BICD1: variants seen among roughly 807,000 people sequenced by gnomAD.
The protein encoded by BICD1 is protein bicaudal D homolog 1.
A neutral mutation model predicts 92.5 loss-of-function variants in BICD1; 35 were observed. That is an observed-to-expected ratio of 0.38 (90% CI 0.29 to 0.50). The LOEUF is 0.50. Among genes scored for constraint, BICD1 ranks in the 20% least tolerant of loss-of-function variants. The pLI, the probability that BICD1 is intolerant of heterozygous loss-of-function variation, is 0.93. For synonymous variants in BICD1, 429 were observed against 465.1 expected (o/e 0.92, Z 1.00); for missense variants, 950 against 1,189.8 (o/e 0.80, Z 2.97).
chr12:32,328,151 C>T lies in BICD1; in HGVS notation c.1696C>T (p.Arg566Trp), dbSNP rs754124048. 2.5e-6 allele frequency: 4 copies of T among 1,614,016 alleles called. No homozygotes were observed. The highest frequency in any genetic ancestry group is 2.7e-5 in the African/African-American group (2 of 74,916). ...ACTTTTGTCCCCACGATTAGCCAGG[C>T]GGGGTGTGTCATCCCCGGTAGAAAC... is the stretch of plus-strand genomic sequence containing the variant. Reference protein sequence around the residue: ...RGLLSPRLARRGVSSPVETRT... With the variant: ...RGLLSPRLARWGVSSPVETRT... Residue 566 changes from arginine (R) to tryptophan (W), a missense_variant, in exon 5 of 10, where the codon CGG becomes TGG. This residue lies in a region of BICD1 where 309 missense variants were observed against 499.4 expected (regional missense o/e 0.62). Transcript: ENST00000652176. This position sits in a 1 kb window ranked among gnomAD's most constrained non-coding sequence, Gnocchi z 4.4.
intron 2 of BICD1, among the ~76,000 whole-genome samples, chr12:32,229,778 G>A (rs1945817197): frequency 6.6e-6 from 1 of 152,182 alleles, no homozygotes; most frequent in Admixed American, 6.5e-5. Context: ...TCACGTGCAA[G>A]TTGTTGGGTT....
intron 2 of BICD1, among the ~76,000 whole-genome samples, chr12:32,278,274 C>G (rs1051037873): frequency 2.0e-5 from 3 of 152,116 alleles, no homozygotes; most frequent in African/African-American, 7.2e-5. Flanking sequence ...CATGGATATT[C>G]ATAGTTATAA....
At chr12:32,228,702 T>G (rs1267666826) in intron 2 of BICD1, among the ~76,000 whole-genome samples, 1 of 152,130 alleles carries the variant, frequency 6.6e-6, no homozygotes. Context: ...ATGGGTTGAA[T>G]GTAGAGAATG....
chr12:32,154,986 A>G (rs1943397166), intron 1 of BICD1, among the ~76,000 whole-genome samples: 1 of 152,202 alleles, frequency 6.6e-6, no homozygotes, highest in South Asian at 2.1e-4. Flanking sequence ...ACAGAAAAAT[A>G]AGCATCTGTG....
At position 32,327,518 on chromosome 12, in the gene BICD1, G is replaced by T; in HGVS notation, c.1063G>T (p.Glu355Ter). Residue 355 changes from glutamate to a stop codon, truncating the protein, a stop_gained, in exon 5 of 10, where the codon GAA becomes TAA. Coordinates refer to ENST00000652176, the MANE Select transcript of BICD1 (RefSeq NM_001714.4). LOFTEE classifies it high-confidence loss of function. ...CCTACAGGAGTCACAGACACAGCTG[G>T]AACACACCAAGGGGGCACTGACGGA... The part of the protein sequence containing the change: ...ANLQESQTQL[E>*]HTKGALTEQH... The T allele has an allele frequency of 6.2e-7, 1 of 1,614,022 alleles. No individual in the cohort carries two copies. The highest frequency in any genetic ancestry group is 1.1e-5 in the South Asian group (1 of 91,040).
intron 2 of BICD1, among the ~76,000 whole-genome samples, chr12:32,288,379 G>A (rs1947636642): frequency 1.3e-5 from 2 of 151,890 alleles, no homozygotes; most frequent in South Asian, 2.1e-4. Flanking sequence ...CTAAAAGTGT[G>A]CACCACCATA....
chr12:32,379,554 G>A lies in BICD1; in HGVS notation c.*1927G>A, dbSNP rs188425884. ...CATGGCCTTGCTGTTCCTAAACATT[G>A]TCTTCATTTCACTGGCGTTGTATCT... is the stretch of plus-strand genomic sequence containing the variant. On this transcript the variant is annotated 3_prime_UTR_variant, in exon 10 of 10. Transcript: ENST00000652176. 6.6e-6 allele frequency: 1 copy of A among 152,252 alleles called. No homozygotes were observed. The highest frequency in any genetic ancestry group is 1.9e-4 in the East Asian group (1 of 5,190). 9.4% of individuals were successfully genotyped at this position (152,252 alleles called of 1,614,324 possible). A position where few individuals can be genotyped will look rare whatever the true frequency, so the allele number is the denominator to read the frequency against.
chr12:32,188,976 A>G (rs760421692), intron 1 of BICD1, among the ~76,000 whole-genome samples: 2 of 152,200 alleles, frequency 1.3e-5, no homozygotes, highest in Non-Finnish European at 2.9e-5. Flanking sequence ...AACCAGTACC[A>G]AAGTTATTTT....
At chr12:32,272,150 A>G (rs1161891476) in intron 2 of BICD1, among the ~76,000 whole-genome samples, 2 of 152,176 alleles carry the variant, frequency 1.3e-5, no homozygotes, top group Non-Finnish European at 2.9e-5. Context: ...TGACTGAGAA[A>G]TTTCTTTTCA....
chr12:32,328,419 C>A lies in BICD1; in HGVS notation c.1964C>A (p.Ala655Glu). 1 of 1,614,190 alleles carries A rather than the reference C, an allele frequency of 6.2e-7. No homozygotes were observed. The change falls in exon 5 of 10, where the codon GCG becomes GAG. Residue 655 changes from alanine to glutamate, a missense_variant. Transcript: ENST00000652176. The surrounding 1 kb of genome is among the most constrained non-coding windows in gnomAD (Gnocchi z 4.4). Reference protein sequence around the residue: ...RSLQLSRQRAAARELAPMIDK... With the variant: ...RSLQLSRQRAEARELAPMIDK... ...TTGCAACTGTCTCGTCAAAGAGCAG[C>A]GGCTCGGGAGCTAGCCCCCATGATT...
intron 8 of BICD1, among the ~76,000 whole-genome samples, chr12:32,358,566 G>A (rs759691090): frequency 6.6e-6 from 1 of 151,848 alleles, no homozygotes; most frequent in Non-Finnish European, 1.5e-5. Context: ...GCGAAACCCC[G>A]TCTCTACTAA....
At chr12:32,247,236 CAAAA>C (rs200029154) in intron 2 of BICD1, among the ~76,000 whole-genome samples, 1 of 135,142 alleles carries the variant, frequency 7.4e-6, no homozygotes. Flanking sequence ...GACCCTGTAT[CAAAA>C]AAAAAAAAAA....
chr12:32,122,481 T>C (rs1277698704), intron 1 of BICD1, among the ~76,000 whole-genome samples: 3 of 88,686 alleles, frequency 3.4e-5, no homozygotes, highest in Admixed American at 1.4e-4. Context: ...AGAGCAAGAC[T>C]CCGTTTCAAA....
intron 9 of BICD1, among the ~76,000 whole-genome samples, chr12:32,374,924 T>TTTTC: frequency 9.1e-6 from 1 of 109,442 alleles, no homozygotes; most frequent in Admixed American, 9.0e-5. Flanking sequence ...TTTTTTTTTT[T>TTTTC]TTTTTTTTTT....
chr12:32,216,139 G>A (rs58587004), intron 1 of BICD1, 108 bp from the exon 2 acceptor site: 94,356 of 1,083,010 alleles, frequency 0.087, 4,939 homozygotes, highest in African/African-American at 0.19. Flanking sequence ...GGTCTTGCAG[G>A]GTAGCTTTTC....
intron 2 of BICD1, among the ~76,000 whole-genome samples, chr12:32,245,238 GTTTTGTT>G (rs1946343012): frequency 8.1e-6 from 1 of 123,394 alleles, no homozygotes; most frequent in South Asian, 2.6e-4. Context: ...AAAGAGCTTA[GTTTTGTT>G]TTTTGTTTTT....
At chr12:32,240,278 G>A (rs189089069) in intron 2 of BICD1, among the ~76,000 whole-genome samples, 306 of 152,250 alleles carry the variant, frequency 2.0e-3, no homozygotes, top group Non-Finnish European at 3.6e-3. Context: ...AAAACAGCAC[G>A]AACTTATTCC....
At chr12:32,194,804 AC>A (rs1592453744) in intron 1 of BICD1, among the ~76,000 whole-genome samples, 2 of 152,022 alleles carry the variant, frequency 1.3e-5, no homozygotes, top group East Asian at 3.9e-4. Context: ...AATCGCTTGA[AC>A]CGGGAGGTGG....
intron 2 of BICD1, among the ~76,000 whole-genome samples, chr12:32,217,811 G>T (rs1286777221): frequency 1.3e-5 from 2 of 152,200 alleles, no homozygotes; most frequent in Admixed American, 1.3e-4. Flanking sequence ...AGTGGACAGA[G>T]GGTCATGTGG....
Sources: gnomAD v4.1 joint callset for allele counts (sites outside exome capture counted in the v4.1 genomes callset) on GRCh38, gnomAD v4.1.1 for gene constraint, gnomAD v4.1.1 regional missense constraint, Gnocchi (gnomAD v3.1) non-coding constraint, MANE v1.5 for transcripts, NCBI Gene and HGNC (gene_info 2026-07-23, HGNC 2026-07-21) for gene names.